Variants in KDM7A observed in about 807,000 individuals in gnomAD.
KDM7A encodes lysine demethylase 7A.
KDM7A carries 28 observed loss-of-function variants against 114.8 expected under a neutral mutation model. That is an observed-to-expected ratio of 0.24 (90% CI 0.18 to 0.33). The LOEUF (loss-of-function observed/expected upper bound fraction) is 0.33, where lower values mean the gene tolerates loss of function less well. Ranked by LOEUF, KDM7A falls within the 10% of genes least tolerant of loss-of-function variation. The pLI is 1.00. For synonymous variants in KDM7A, 423 were observed against 397.8 expected, an observed-to-expected ratio of 1.06 and a Z score of -0.75; for missense variants, 942 against 1,142.5, an observed-to-expected ratio of 0.82 and a Z score of 2.53.
intron 13 of KDM7A, among the ~76,000 whole-genome samples, chr7:140,099,500 AG>A (rs749537070): frequency 6.6e-6 from 1 of 152,170 alleles, no homozygotes; most frequent in Non-Finnish European, 1.5e-5. Context: ...AGCTCATTAC[AG>A]ATTAAACGGG....
chr7:140,091,798 A>G lies in KDM7A; in HGVS notation c.2731+6T>C. On this transcript the variant is annotated splice_donor_region_variant and intron_variant, in intron 19 of 19. Transcript: ENST00000397560. ...TATACTTTCTCTATACATGTGTGAA[A>G]GTTACCTTTTGTTGCCTGGTTGCTG... 6.2e-7 allele frequency: 1 copy of G among 1,610,892 alleles called. No individual in the cohort carries two copies. The highest frequency in any genetic ancestry group is 8.5e-7 in the Non-Finnish European group (1 of 1,179,110).
chr7:140,091,001 A>T lies in KDM7A; in HGVS notation c.*93T>A, dbSNP rs1818008574. 2.3e-6 allele frequency: 2 copies of T among 874,116 alleles called. No individual in the cohort carries two copies. Among genetic ancestry groups the T allele is most frequent in the Non-Finnish European group, 1.9e-6 (1 of 518,120 alleles). 54.1% of individuals were successfully genotyped at this position (874,116 alleles called of 1,614,324 possible). On this transcript the variant is annotated 3_prime_UTR_variant, in exon 20 of 20. Transcript: ENST00000397560. ...CGGGCAGTGTTCTTACTATACACAC[A>T]AACTGCTCCAGGCAGGGGGACAGCG...
chr7:140,123,397 C>A (rs1037614781), intron 7 of KDM7A, among the ~76,000 whole-genome samples: 2 of 152,170 alleles, frequency 1.3e-5, no homozygotes, highest in African/African-American at 4.8e-5. Context: ...ATGTTCGAAG[C>A]AGCACCATTC....
At chr7:140,101,571 A>G (rs570631932) in intron 12 of KDM7A, among the ~76,000 whole-genome samples, 2 of 152,200 alleles carry the variant, frequency 1.3e-5, no homozygotes, top group African/African-American at 4.8e-5. Flanking sequence ...AATAACGCTT[A>G]TCATCTGAAA....
chr7:140,141,380 T>C (rs776520619), intron 1 of KDM7A, among the ~76,000 whole-genome samples: 1 of 151,236 alleles, frequency 6.6e-6, no homozygotes, highest in African/African-American at 2.4e-5. Flanking sequence ...ACCCTAAAAC[T>C]CTACCAAGTA....
chr7:140,120,549 A>G lies in KDM7A; in HGVS notation c.1052-20T>C. Reference sequence around the variant, plus strand: ...TCCACCCTAAAATGGTTGAAAATATATAAACCAGTCATTTTTCAATATGTA... The same window carrying G: ...TCCACCCTAAAATGGTTGAAAATATGTAAACCAGTCATTTTTCAATATGTA... On this transcript the variant is annotated intron_variant, in intron 7 of 19. Transcript: ENST00000397560. 6.8e-7 allele frequency: 1 copy of G among 1,475,558 alleles called. No homozygotes were observed. The highest frequency in any genetic ancestry group is 9.5e-7 in the Non-Finnish European group (1 of 1,055,028). The allele number at this position is 1,475,558 out of a possible 1,614,324, so 91.4% of individuals were successfully genotyped here.
chr7:140,091,100 A>G lies in KDM7A; in HGVS notation c.2820T>C (p.Phe940=). The part of the protein sequence containing the change: ...KLNRNGHARF[F]V ...GGCTGCAACAGCAGCTCTGTCACAC[A>G]AAGAAACGTGCATGGCCATTTCTGT... The change falls in exon 20 of 20, where the codon TTT becomes TTC. Residue 940 remains phenylalanine, a synonymous_variant. Transcript: ENST00000397560. The G allele has an allele frequency of 6.2e-7, 1 of 1,612,762 alleles. No individual in the cohort carries two copies. The highest frequency in any genetic ancestry group is 8.5e-7 in the Non-Finnish European group (1 of 1,178,672).
At chr7:140,126,897 T>C (rs1818713747) in intron 5 of KDM7A, 74 bp from the exon 6 acceptor site, 1 of 1,118,282 alleles carries the variant, frequency 8.9e-7, no homozygotes, top group East Asian at 2.4e-5. Context: ...TTTTCTCATC[T>C]ATTCCCAAAC....
At chr7:140,117,176 T>C (rs955521865) in intron 9 of KDM7A, among the ~76,000 whole-genome samples, 2 of 152,202 alleles carry the variant, frequency 1.3e-5, no homozygotes, top group Non-Finnish European at 2.9e-5. Flanking sequence ...GCTAATAAAA[T>C]GAAACATCTT....
intron 2 of KDM7A, among the ~76,000 whole-genome samples, chr7:140,135,523 T>C (rs533591972): frequency 2.0e-5 from 3 of 152,284 alleles, no homozygotes; most frequent in South Asian, 4.1e-4. Flanking sequence ...TTATCTTCAA[T>C]TGGGATCACA....
chr7:140,103,475 C>A (rs967071851), intron 11 of KDM7A, among the ~76,000 whole-genome samples: 4 of 151,028 alleles, frequency 2.6e-5, no homozygotes, highest in African/African-American at 9.7e-5. Context: ...CTCCAACCCA[C>A]GACAGGTCCC....
rs1817907612 is a variant in KDM7A at position 140,085,273 on chromosome 7, A to T, written c.*5821T>A. The T allele has an allele frequency of 6.6e-6, 1 of 152,206 alleles. No homozygotes were observed. The highest frequency in any genetic ancestry group is 2.1e-4 in the South Asian group (1 of 4,830). 9.4% of individuals were successfully genotyped at this position (152,206 alleles called of 1,614,324 possible). A position where few individuals can be genotyped will look rare whatever the true frequency, so the allele number is the denominator to read the frequency against. ...ACCGTGGGCATAAAAACCAGTAAGAAAAGTCAGTCAGGCTAGCAAAACGTT... is the reference window on the plus strand; with the variant it reads ...ACCGTGGGCATAAAAACCAGTAAGATAAGTCAGTCAGGCTAGCAAAACGTT... On this transcript the variant is annotated 3_prime_UTR_variant, in exon 20 of 20. Transcript: ENST00000397560.
intron 4 of KDM7A, among the ~76,000 whole-genome samples, chr7:140,128,720 A>C (rs1818744161): frequency 6.6e-6 from 1 of 152,240 alleles, no homozygotes; most frequent in Admixed American, 6.5e-5. Flanking sequence ...AAGTTCTCAG[A>C]TATTCCATGC....
At chr7:140,120,571 T>C (rs1818603440) in intron 7 of KDM7A, 42 bp from the exon 8 acceptor site, 1 of 1,177,058 alleles carries the variant, frequency 8.5e-7, no homozygotes, top group East Asian at 2.3e-5. Context: ...TTTTTCAATA[T>C]GTAAACTAAA....
chr7:140,167,884 T>C (rs370413211), intron 1 of KDM7A, among the ~76,000 whole-genome samples: 6 of 152,182 alleles, frequency 3.9e-5, no homozygotes, highest in African/African-American at 1.4e-4. Flanking sequence ...AAACAGCTAG[T>C]ACCCCTAATA....
chr7:140,138,050 G>C (rs975939746), intron 2 of KDM7A, among the ~76,000 whole-genome samples: 2 of 152,170 alleles, frequency 1.3e-5, no homozygotes, highest in Non-Finnish European at 2.9e-5. Flanking sequence ...TTACAGGCCA[G>C]GTGTGGTGGT....
rs1818007186 is a variant in KDM7A, at chr7:140,090,924, G to A, written c.*170C>T. On this transcript the variant is annotated 3_prime_UTR_variant, in exon 20 of 20. Transcript: ENST00000397560. ...CCCCACCAGGTCCAAAATGGTTATT[G>A]CTGAGTGGGTGTGGCACAGTGAAAA... The A allele has an allele frequency of 6.8e-6, 4 of 589,632 alleles. No individual in the cohort carries two copies. The highest frequency in any genetic ancestry group is 1.2e-5 in the Non-Finnish European group (4 of 327,170). The allele number at this position is 589,632 out of a possible 1,614,324, so 36.5% of individuals were successfully genotyped here. A position where few individuals can be genotyped will look rare whatever the true frequency, so the allele number is the denominator to read the frequency against.
In KDM7A at chr7:140,146,765, C is replaced by T. The variant is rs1352010353; in HGVS notation, c.195-7575G>A. 2.6e-5 allele frequency among the ~76,000 whole-genome samples: 4 copies of T among 152,178 alleles called. No homozygotes were observed. In the South Asian group the frequency reaches 6.2e-4, roughly 24 times the overall value. ...GGGCAGTGACAACTTTAGCACTTTC[C>T]ATTGTCTTAATCTTCTGAAATTGTT... On this transcript the variant is annotated intron_variant, in intron 1 of 19. Coordinates refer to ENST00000397560, the MANE Select transcript of KDM7A (RefSeq NM_030647.2).
At position 140,089,864 on chromosome 7, in the gene KDM7A, T is replaced by TA. The variant is rs1042305835; in HGVS notation, c.*1229dup. On this transcript the variant is annotated 3_prime_UTR_variant, in exon 20 of 20. Coordinates refer to ENST00000397560, the MANE Select transcript of KDM7A (RefSeq NM_030647.2). ...AGTAATTCTTTAGAAAATTAAGAAATAAAAAAAGTAAATACACACAAAAGA... is the reference window on the plus strand; with the variant it reads ...AGTAATTCTTTAGAAAATTAAGAAATAAAAAAAAGTAAATACACACAAAAGA... The TA allele has an allele frequency of 1.3e-5, 2 of 152,118 alleles. No individual in the cohort carries two copies. The highest frequency in any genetic ancestry group is 2.9e-5 in the Non-Finnish European group (2 of 68,004). The allele number at this position is 152,118 out of a possible 1,614,324, so 9.4% of individuals were successfully genotyped here. A position where few individuals can be genotyped will look rare whatever the true frequency, so the allele number is the denominator to read the frequency against.
Sources: allele counts gnomAD v4.1 joint callset (sites outside exome capture counted in the v4.1 genomes callset), GRCh38; gene constraint gnomAD v4.1.1; transcripts MANE v1.5; gene names NCBI Gene and HGNC (gene_info 2026-07-23, HGNC 2026-07-21).